MAPK14: variants seen among roughly 807,000 people sequenced by gnomAD.
MAPK14 encodes the protein CSAID-binding protein.
MAPK14 carries 16 observed loss-of-function variants against 49.6 expected under a neutral mutation model. The observed-to-expected ratio is 0.32, with a 90% confidence interval of 0.22 to 0.49. The LOEUF (loss-of-function observed/expected upper bound fraction) is 0.49. Among genes scored for constraint, MAPK14 ranks in the 20% least tolerant of loss-of-function variants. The pLI is 0.99. For synonymous variants in MAPK14, 142 were observed against 158.0 expected, an observed-to-expected ratio of 0.90 and a Z score of 0.76; for missense variants, 200 against 441.2, an observed-to-expected ratio of 0.45 and a Z score of 4.90.
chr6:36,082,791 C>T (rs1454612604), intron 8 of MAPK14, among the ~76,000 whole-genome samples: 1 of 152,100 alleles, frequency 6.6e-6, no homozygotes, highest in African/African-American at 2.4e-5. Context: ...ACATCCAAAC[C>T]CTATCACCTT....
At chr6:36,048,555 A>G (rs866845382) in intron 1 of MAPK14, among the ~76,000 whole-genome samples, 2 of 152,244 alleles carry the variant, frequency 1.3e-5, no homozygotes, top group Non-Finnish European at 1.5e-5. Context: ...ACATGGACTA[A>G]TATGATATTG....
Position 36,073,735 on chromosome 6 carries a change from T to C in MAPK14, c.447+15T>C. On this transcript the variant is annotated intron_variant, in intron 5 of 11. Coordinates refer to ENST00000229794, the MANE Select transcript of MAPK14 (RefSeq NM_139012.3). Reference sequence around the variant, plus strand: ...TAATTCACAGGGTATGTATTGTGACTTTGATTACATTATTTTGGGGAAGTG... The same window carrying C: ...TAATTCACAGGGTATGTATTGTGACCTTGATTACATTATTTTGGGGAAGTG... The C allele has an allele frequency of 6.2e-7, 1 of 1,610,356 alleles. No individual in the cohort carries two copies. The highest frequency in any genetic ancestry group is 8.5e-7 in the Non-Finnish European group (1 of 1,177,996).
intron 9 of MAPK14, 21 bp downstream of exon 9, chr6:36,096,087 T>C: frequency 6.4e-7 from 1 of 1,574,742 alleles, no homozygotes; most frequent in Non-Finnish European, 8.7e-7. Flanking sequence ...GCTTTGTAAT[T>C]ATCTGCCCTG....
intron 7 of MAPK14, among the ~76,000 whole-genome samples, chr6:36,076,308 C>T (rs762429582): frequency 6.6e-6 from 1 of 152,294 alleles, no homozygotes; most frequent in Admixed American, 6.5e-5. Context: ...CCTTTTTAAA[C>T]AGCTTATTTC....
intron 6 of MAPK14, 95 bp from the exon 7 acceptor site, chr6:36,075,753 G>A (rs959424797): frequency 5.2e-6 from 8 of 1,545,156 alleles, no homozygotes; most frequent in Non-Finnish European, 7.1e-6. Context: ...TTTTTAATAA[G>A]GCAACAGAGG....
At chr6:36,106,587 G>C (rs750671887) in intron 10 of MAPK14, among the ~76,000 whole-genome samples, 1 of 152,108 alleles carries the variant, frequency 6.6e-6, no homozygotes, top group African/African-American at 2.4e-5. Flanking sequence ...AGATGTCTTC[G>C]TGTTGAAATA....
chr6:36,083,725 G>T (rs1335167852), intron 8 of MAPK14, among the ~76,000 whole-genome samples: 2 of 152,230 alleles, frequency 1.3e-5, no homozygotes, highest in Admixed American at 1.3e-4. Context: ...AGCCCCTGGT[G>T]GGAGGGGTGG....
At chr6:36,045,176 C>G (rs897459599) in intron 1 of MAPK14, among the ~76,000 whole-genome samples, 1 of 151,780 alleles carries the variant, frequency 6.6e-6, no homozygotes, top group African/African-American at 2.4e-5. Context: ...CTCCTACCCT[C>G]TTTGCTAATA....
At position 36,107,118 on chromosome 6, in the gene MAPK14, AC is replaced by A. The variant is rs1320407553; in HGVS notation, c.842-335del. ...GGAGGAGGGTGAGGGTTGAGAGATA[AC>A]CTATCGGGTACAATGTTCACTATTT... On this transcript the variant is annotated intron_variant, in intron 10 of 11. Coordinates refer to ENST00000229794, the MANE Select transcript of MAPK14 (RefSeq NM_139012.3). The surrounding 1 kb of genome is among the most constrained non-coding windows in gnomAD (Gnocchi z 4.3). Among the ~76,000 whole-genome samples the A allele has an allele frequency of 6.6e-6, 1 of 152,154 alleles. No individual in the cohort carries two copies. The highest frequency in any genetic ancestry group is 1.5e-5 in the Non-Finnish European group (1 of 68,034).
At chr6:36,094,607 GC>G (rs1341326841) in intron 8 of MAPK14, among the ~76,000 whole-genome samples, 1 of 152,174 alleles carries the variant, frequency 6.6e-6, no homozygotes, top group African/African-American at 2.4e-5. Context: ...GTTTTTAAGT[GC>G]TGCTATGTTG....
intron 3 of MAPK14, among the ~76,000 whole-genome samples, chr6:36,066,314 A>G (rs1251621770): frequency 1.3e-5 from 2 of 152,058 alleles, no homozygotes; most frequent in African/African-American, 2.4e-5. Context: ...AAAGTCTGCT[A>G]CCCCTTCTTA....
At chr6:36,029,204 T>G (rs1476742490) in intron 1 of MAPK14, 1 of 152,214 alleles carries the variant, frequency 6.6e-6, no homozygotes, top group Non-Finnish European at 1.5e-5. Context: ...AATACTGTGT[T>G]TTAAAAGTCC....
chr6:36,106,268 C>T (rs181817332), intron 10 of MAPK14, among the ~76,000 whole-genome samples: 35 of 152,248 alleles, frequency 2.3e-4, no homozygotes, highest in African/African-American at 7.5e-4. Flanking sequence ...GGTATAGACA[C>T]ATGACAGCAA....
At chr6:36,059,906 G>C (rs1763743524) in intron 3 of MAPK14, among the ~76,000 whole-genome samples, 1 of 152,168 alleles carries the variant, frequency 6.6e-6, no homozygotes, top group South Asian at 2.1e-4. Flanking sequence ...ATGCATGTGG[G>C]AGATGATACT....
intron 1 of MAPK14, among the ~76,000 whole-genome samples, chr6:36,040,362 C>T (rs1319716200): frequency 2.0e-5 from 3 of 152,076 alleles, no homozygotes; most frequent in Non-Finnish European, 2.9e-5. Context: ...ACTTATATAA[C>T]CCTATATATT....
At chr6:36,122,418 CT>C in the MAPK14 span, among the ~76,000 whole-genome samples, 1 of 152,232 alleles carries the variant, frequency 6.6e-6, no homozygotes, top group Non-Finnish European at 1.5e-5. Context: ...TGCATATCAG[CT>C]GCACACAGAC....
chr6:36,106,820 C>T (rs934789359), intron 10 of MAPK14, among the ~76,000 whole-genome samples: 2 of 151,658 alleles, frequency 1.3e-5, no homozygotes, highest in African/African-American at 4.8e-5. Context: ...CATGTCTCAC[C>T]CTCATCACCA....
At chr6:36,082,335 C>T (rs1302304654) in intron 8 of MAPK14, among the ~76,000 whole-genome samples, 1 of 152,174 alleles carries the variant, frequency 6.6e-6, no homozygotes, top group Non-Finnish European at 1.5e-5. Flanking sequence ...CAGTCTCTTC[C>T]CATTGAGTAT....
chr6:36,060,819 G>A (rs1763790294), intron 3 of MAPK14, among the ~76,000 whole-genome samples: 1 of 152,228 alleles, frequency 6.6e-6, no homozygotes, highest in Non-Finnish European at 1.5e-5. Context: ...ACAGTGTATG[G>A]CTGAGAGTAG....
Sources: allele counts gnomAD v4.1 joint callset (sites outside exome capture counted in the v4.1 genomes callset), GRCh38; gene constraint gnomAD v4.1.1; non-coding constraint Gnocchi (gnomAD v3.1); transcripts MANE v1.5; gene names NCBI Gene and HGNC (gene_info 2026-07-23, HGNC 2026-07-21).